Variants in PCBP3 observed in about 807,000 individuals in gnomAD.
PCBP3 encodes the protein poly(rC) binding protein 3, also known as poly(rC)-binding protein 3.
Under a neutral mutation model 52.7 loss-of-function variants are expected in PCBP3, and 25 were observed. The observed-to-expected ratio is 0.47, with a 90% confidence interval of 0.35 to 0.66. The LOEUF (loss-of-function observed/expected upper bound fraction) is 0.66. Among genes scored for constraint, PCBP3 ranks in the 30% least tolerant of loss-of-function variants. PCBP3 has a pLI of 0.01. For synonymous variants in PCBP3, 162 were observed against 183.0 expected, an observed-to-expected ratio of 0.89 and a Z score of 0.93; for missense variants, 391 against 490.3, an observed-to-expected ratio of 0.80 and a Z score of 1.91.
chr21:45,832,430 C>A (rs1289386775), intron 4 of PCBP3, among the ~76,000 whole-genome samples: 1 of 152,192 alleles, frequency 6.6e-6, no homozygotes, highest in Non-Finnish European at 1.5e-5. Flanking sequence ...TGCAGCCCAA[C>A]AGGTCTCAGC....
chr21:45,937,595 C>T (rs1369125227), intron 16 of PCBP3, among the ~76,000 whole-genome samples: 1 of 152,192 alleles, frequency 6.6e-6, no homozygotes, highest in Admixed American at 6.5e-5. Context: ...GGAGGGGCCA[C>T]ATTATTTCAG....
intron 17 of PCBP3, among the ~76,000 whole-genome samples, chr21:45,941,222 G>A (rs2077435795): frequency 6.6e-6 from 1 of 152,228 alleles, no homozygotes; most frequent in South Asian, 2.1e-4. Context: ...GCCTGGGGAT[G>A]GGGCTTGTCA....
chr21:45,781,134 G>A (rs905239455), intron 4 of PCBP3, among the ~76,000 whole-genome samples: 1 of 152,154 alleles, frequency 6.6e-6, no homozygotes, highest in African/African-American at 2.4e-5. Flanking sequence ...ACCAAGCCCT[G>A]CTCCTGGTAT....
chr21:45,713,184 C>T (rs1324360823), intron 2 of PCBP3, among the ~76,000 whole-genome samples: 1 of 152,206 alleles, frequency 6.6e-6, no homozygotes, highest in Admixed American at 6.5e-5. Flanking sequence ...CAGATTTCAA[C>T]ATGCCACTAC....
At chr21:45,766,249 C>T (rs1467754372) in intron 4 of PCBP3, among the ~76,000 whole-genome samples, 1 of 152,244 alleles carries the variant, frequency 6.6e-6, no homozygotes, top group Non-Finnish European at 1.5e-5. Flanking sequence ...CTTTCTCCTC[C>T]TCAGATACCA....
Position 45,821,207 on chromosome 21 carries a change from C to T in PCBP3, c.-125-28754C>T, listed in dbSNP as rs2093125190. The stretch of plus-strand genomic sequence containing the variant: ...TTTTTGCCTGGCAGGCTGGGAGGGA[C>T]CCCCTCTCCTGTGCAGCCTCTCCCT... On this transcript the variant is annotated intron_variant, in intron 4 of 17. Transcript: ENST00000681687. This position sits in a 1 kb window ranked among gnomAD's most constrained non-coding sequence, Gnocchi z 4.4. 1.3e-5 allele frequency among the ~76,000 whole-genome samples: 2 copies of T among 152,050 alleles called. No homozygotes were observed. The highest frequency in any genetic ancestry group is 2.9e-5 in the Non-Finnish European group (2 of 68,000).
chr21:45,743,357 T>C (rs563460820), intron 3 of PCBP3, among the ~76,000 whole-genome samples: 4 of 152,344 alleles, frequency 2.6e-5, no homozygotes, highest in East Asian at 3.9e-4. Context: ...AGCTCTCTGG[T>C]ATATATTCTT....
chr21:45,710,711 C>T (rs1250044611), intron 2 of PCBP3, among the ~76,000 whole-genome samples: 1 of 152,184 alleles, frequency 6.6e-6, no homozygotes, highest in Non-Finnish European at 1.5e-5. Flanking sequence ...TTGTGTAGTG[C>T]ACACTTAAAG....
At chr21:45,776,760 A>G (rs2090294334) in intron 4 of PCBP3, among the ~76,000 whole-genome samples, 1 of 152,120 alleles carries the variant, frequency 6.6e-6, no homozygotes, top group Non-Finnish European at 1.5e-5. Context: ...GTCTTTACTG[A>G]CAAGGCTAGT....
chr21:45,646,722 A>G (rs1188120897), intron 1 of PCBP3, among the ~76,000 whole-genome samples: 1 of 152,216 alleles, frequency 6.6e-6, no homozygotes, highest in African/African-American at 2.4e-5. Context: ...ACATTTCAGC[A>G]TGAGTTTTGG....
intron 5 of PCBP3, among the ~76,000 whole-genome samples, chr21:45,881,511 C>T (rs1212539374): frequency 1.3e-5 from 2 of 152,212 alleles, no homozygotes; most frequent in East Asian, 1.9e-4. Flanking sequence ...TGGTCTTGAA[C>T]TCCTAGACTC....
At chr21:45,874,909 G>C (rs1197299927) in intron 5 of PCBP3, among the ~76,000 whole-genome samples, 3 of 152,118 alleles carry the variant, frequency 2.0e-5, no homozygotes. Flanking sequence ...GCTCTGGAGT[G>C]GCCCTAGACT....
At chr21:45,890,804 G>A (rs1290914387) in intron 5 of PCBP3, among the ~76,000 whole-genome samples, 1 of 149,508 alleles carries the variant, frequency 6.7e-6, no homozygotes, top group African/African-American at 2.5e-5. Flanking sequence ...GGAACTCTGT[G>A]TGCTGCTGAG....
intron 2 of PCBP3, among the ~76,000 whole-genome samples, chr21:45,723,182 C>T (rs1051537388): frequency 6.6e-6 from 1 of 152,192 alleles, no homozygotes; most frequent in African/African-American, 2.4e-5. Flanking sequence ...ATGTGTTTGG[C>T]AACCAGGGGA....
intron 5 of PCBP3, among the ~76,000 whole-genome samples, chr21:45,870,402 T>C (rs2094953142): frequency 6.6e-6 from 1 of 151,928 alleles, no homozygotes; most frequent in Non-Finnish European, 1.5e-5. Flanking sequence ...GACGAATGAG[T>C]CTCCTAAAAA....
intron 2 of PCBP3, among the ~76,000 whole-genome samples, chr21:45,684,055 C>CAAAAAAAAA (rs71334088): frequency 3.8e-5 from 3 of 78,470 alleles, no homozygotes; most frequent in African/African-American, 4.9e-5. Context: ...CCCATCTCTA[C>CAAAAAAAAA]AAAAAAAAAA....
intron 4 of PCBP3, among the ~76,000 whole-genome samples, chr21:45,820,423 A>G: frequency 6.6e-6 from 1 of 152,162 alleles, no homozygotes; most frequent in East Asian, 1.9e-4. Context: ...CAGTGTTGGC[A>G]CTTCAGCTTG....
At position 45,893,994 on chromosome 21, in the gene PCBP3, G is replaced by A. The variant is rs546165527; in HGVS notation, c.11-2214G>A. The A allele has an allele frequency of 4.1e-6, 4 of 985,616 alleles. No individual in the cohort carries two copies. In the African/African-American group the frequency reaches 7.0e-5, roughly 17 times the overall value. The allele number at this position is 985,616 out of a possible 1,614,324, so 61.1% of individuals were successfully genotyped here. A position where few individuals can be genotyped will look rare whatever the true frequency, so the allele number is the denominator to read the frequency against. On this transcript the variant is annotated intron_variant, in intron 5 of 17. Coordinates refer to ENST00000681687, the MANE Select transcript of PCBP3 (RefSeq NM_001384156.1). ...CCGCAGAGGTGGCAGCAAGGCCAGG[G>A]CACTTTGCAGACGGCATGGACGGGT...
At chr21:45,859,340 C>A (rs1048746509) in intron 5 of PCBP3, among the ~76,000 whole-genome samples, 13 of 139,062 alleles carry the variant, frequency 9.3e-5, no homozygotes, top group Non-Finnish European at 1.7e-4. Flanking sequence ...AGTCAGGGTA[C>A]AAGGCCAGAG....
Sources: gnomAD v4.1 joint callset for allele counts (sites outside exome capture counted in the v4.1 genomes callset) on GRCh38, gnomAD v4.1.1 for gene constraint, Gnocchi (gnomAD v3.1) non-coding constraint, MANE v1.5 for transcripts, NCBI Gene and HGNC (gene_info 2026-07-23, HGNC 2026-07-21) for gene names.